Variants in FBXO31 observed in about 807,000 individuals in gnomAD.
FBXO31 encodes the protein F-box only protein 31.
Under a neutral mutation model 54.4 loss-of-function variants are expected in FBXO31, and 24 were observed. The observed-to-expected ratio is 0.44, with a 90% CI of 0.32 to 0.62. The LOEUF (loss-of-function observed/expected upper bound fraction) is 0.62. Among genes scored for constraint, FBXO31 ranks in the 20% least tolerant of loss-of-function variants. The pLI, the probability that FBXO31 is intolerant of heterozygous loss-of-function variation, is 0.05. For synonymous variants in FBXO31, 388 were observed against 335.6 expected (o/e 1.16, Z -1.71); for missense variants, 665 against 787.1 (o/e 0.84, Z 1.86).
chr16:87,374,986 T>C (rs4843240), intron 1 of FBXO31, among the ~76,000 whole-genome samples: 149,568 of 152,236 alleles, frequency 0.98, 73,539 homozygotes, highest in East Asian at 1. Flanking sequence ...AGTTCAAGAC[T>C]AGCCTGGCCA....
chr16:87,351,735 G>C (rs1157057898), intron 2 of FBXO31, among the ~76,000 whole-genome samples: 1 of 152,136 alleles, frequency 6.6e-6, no homozygotes, highest in Non-Finnish European at 1.5e-5. Context: ...CAGACATCGT[G>C]GCGTACGCCT....
intron 1 of FBXO31, among the ~76,000 whole-genome samples, chr16:87,363,690 C>T (rs1906235453): frequency 6.6e-6 from 1 of 152,110 alleles, no homozygotes; most frequent in Admixed American, 6.5e-5. Flanking sequence ...ACGGGGAAAT[C>T]AAAGAATCAT....
At chr16:87,370,909 T>C (rs1229448317) in intron 1 of FBXO31, among the ~76,000 whole-genome samples, 2 of 152,124 alleles carry the variant, frequency 1.3e-5, no homozygotes, top group Non-Finnish European at 2.9e-5. Context: ...CTTCTGAGGC[T>C]AAAAAGGAAG....
intron 2 of FBXO31, among the ~76,000 whole-genome samples, chr16:87,359,710 G>T (rs1906050754): frequency 6.6e-6 from 1 of 152,208 alleles, no homozygotes; most frequent in South Asian, 2.1e-4. Context: ...CAAGAAATGG[G>T]AAAGTCCCTG....
chr16:87,383,767 T>G lies in FBXO31; in HGVS notation c.-23A>C, dbSNP rs2150701798. ...CATGCCGCCCAGTGACGGCCACTGC[T>G]GCCGCCTGTGCGCACGCTCCAGCGC... On this transcript the variant is annotated 5_prime_UTR_variant, in exon 1 of 9. Coordinates refer to ENST00000311635, the MANE Select transcript of FBXO31 (RefSeq NM_024735.5). This position sits in a 1 kb window ranked among gnomAD's most constrained non-coding sequence, Gnocchi z 4.9. 8.4e-7 allele frequency: 1 copy of G among 1,186,676 alleles called. No homozygotes were observed. 73.5% of individuals were successfully genotyped at this position (1,186,676 alleles called of 1,614,324 possible). A position where few individuals can be genotyped will look rare whatever the true frequency, so the allele number is the denominator to read the frequency against.
At chr16:87,342,818 C>G in intron 5 of FBXO31, 59 bp downstream of exon 5, 1 of 1,462,420 alleles carries the variant, frequency 6.8e-7, no homozygotes, top group Non-Finnish European at 9.3e-7. Flanking sequence ...TCTGTACTTT[C>G]CCCGTGGGGA....
chr16:87,347,093 T>C (rs908738810), intron 3 of FBXO31, 81 bp downstream of exon 3: 1 of 1,251,524 alleles, frequency 8.0e-7, no homozygotes, highest in South Asian at 1.2e-5. Flanking sequence ...TGTACCCAGG[T>C]AGAAGAGGCC....
chr16:87,349,346 C>G (rs1423250230), intron 2 of FBXO31, among the ~76,000 whole-genome samples: 1 of 152,180 alleles, frequency 6.6e-6, no homozygotes, highest in East Asian at 1.9e-4. Flanking sequence ...CCAGTGGCAG[C>G]TGACACAACC....
intron 2 of FBXO31, among the ~76,000 whole-genome samples, chr16:87,349,731 G>A (rs1905561332): frequency 1.3e-5 from 2 of 148,166 alleles, no homozygotes; most frequent in African/African-American, 2.5e-5. Context: ...AAATCAACTG[G>A]ATCAGCTATT....
At chr16:87,351,049 C>T (rs1294017774) in intron 2 of FBXO31, among the ~76,000 whole-genome samples, 2 of 152,232 alleles carry the variant, frequency 1.3e-5, no homozygotes, top group Non-Finnish European at 2.9e-5. Flanking sequence ...CCAAAACCAT[C>T]CCAAGAGATG....
At chr16:87,377,948 G>C (rs1212922794) in intron 1 of FBXO31, among the ~76,000 whole-genome samples, 1 of 151,914 alleles carries the variant, frequency 6.6e-6, no homozygotes, top group Non-Finnish European at 1.5e-5. Context: ...ACCTGAGGTT[G>C]GGAGTTCGAG....
intron 2 of FBXO31, among the ~76,000 whole-genome samples, chr16:87,356,819 A>T (rs1465455037): frequency 6.6e-6 from 1 of 152,212 alleles, no homozygotes; most frequent in Non-Finnish European, 1.5e-5. Context: ...GGGTGGACTG[A>T]AAGCAGTAGT....
At chr16:87,347,396 A>G (rs1905437827) in intron 2 of FBXO31, 146 bp from the exon 3 acceptor site, 2 of 718,994 alleles carry the variant, frequency 2.8e-6, no homozygotes, top group Admixed American at 2.1e-5. Flanking sequence ...AAGCCTCTAA[A>G]GATGTATCAG....
upstream of FBXO31, chr16:87,392,024 G>A (rs983584357): frequency 2.2e-5 from 4 of 179,208 alleles, no homozygotes; most frequent in Admixed American, 6.3e-5. Flanking sequence ...CCTCAGGGCC[G>A]GGCAGCAGGC....
At chr16:87,351,847 C>T (rs776899221) in intron 2 of FBXO31, among the ~76,000 whole-genome samples, 8 of 152,062 alleles carry the variant, frequency 5.3e-5, no homozygotes, top group Non-Finnish European at 1.0e-4. Flanking sequence ...CCAGCCTGGG[C>T]GACAGACCGA....
intron 5 of FBXO31, among the ~76,000 whole-genome samples, chr16:87,339,924 C>T (rs765753294): frequency 3.3e-5 from 5 of 152,224 alleles, no homozygotes; most frequent in Non-Finnish European, 7.3e-5. Context: ...CACTTGAGCC[C>T]AGCCTGGGCA....
At chr16:87,350,302 G>A (rs979796640) in intron 2 of FBXO31, among the ~76,000 whole-genome samples, 6 of 152,254 alleles carry the variant, frequency 3.9e-5, no homozygotes, top group East Asian at 3.9e-4. Flanking sequence ...TGGAGAAGAC[G>A]CTAGACTCCA....
chr16:87,347,875 T>C (rs966850044), intron 2 of FBXO31, among the ~76,000 whole-genome samples: 1 of 152,136 alleles, frequency 6.6e-6, no homozygotes, highest in African/African-American at 2.4e-5. Flanking sequence ...GCCAAGATGC[T>C]GGTAGCGCTA....
chr16:87,371,745 T>C (rs1597376611), intron 1 of FBXO31, among the ~76,000 whole-genome samples: 1 of 152,224 alleles, frequency 6.6e-6, no homozygotes, highest in Admixed American at 6.5e-5. Flanking sequence ...CGTCATTGCA[T>C]TACAAACAGG....
Sources: gnomAD v4.1 joint callset for allele counts (sites outside exome capture counted in the v4.1 genomes callset) on GRCh38, gnomAD v4.1.1 for gene constraint, Gnocchi (gnomAD v3.1) non-coding constraint, MANE v1.5 for transcripts, NCBI Gene and HGNC (gene_info 2026-07-23, HGNC 2026-07-21) for gene names.